Variants in MAL observed in about 807,000 individuals in gnomAD.
MAL encodes mal, T cell differentiation protein (MAL blood group).
Under a neutral mutation model 16.7 loss-of-function variants are expected in MAL, and 5 were observed. The ratio of observed to expected loss-of-function variants is 0.30; its 90% CI spans 0.16 to 0.63. The LOEUF (loss-of-function observed/expected upper bound fraction) is 0.63, where lower values mean the gene tolerates loss of function less well. MAL is among the 30% of genes least tolerant of loss of function. MAL has a pLI of 0.82. For missense variants in MAL, 202 were observed against 195.8 expected, an observed-to-expected ratio of 1.03 and a Z score of -0.19; for synonymous variants, 96 against 85.5, an observed-to-expected ratio of 1.12 and a Z score of -0.67.
intron 1 of MAL, among the ~76,000 whole-genome samples, chr2:95,030,143 T>C (rs1184900454): frequency 1.3e-5 from 2 of 152,112 alleles, no homozygotes; most frequent in Admixed American, 1.3e-4. Flanking sequence ...TAGCAACCTC[T>C]CCTTGGCCCA....
intron 1 of MAL, among the ~76,000 whole-genome samples, chr2:95,029,997 T>C (rs1674036439): frequency 6.6e-6 from 1 of 152,222 alleles, no homozygotes; most frequent in African/African-American, 2.4e-5. Context: ...TGATGACTCA[T>C]AGTTCAGATT....
In MAL at chr2:95,025,820, A is replaced by G. The variant is rs1673919746; in HGVS notation, c.28A>G (p.Ser10Gly). The change falls in exon 1 of 4, where the codon AGC becomes GGC. Residue 10 changes from serine (S) to glycine (G), a missense_variant. Ser to Gly is a moderately conservative substitution (Grantham distance 56). Coordinates refer to ENST00000309988, the MANE Select transcript of MAL (RefSeq NM_002371.4). This position sits in a 1 kb window ranked among gnomAD's most constrained non-coding sequence, Gnocchi z 5.6. Reference sequence around the variant, plus strand: ...GGCCCCCGCAGCGGCGACGGGGGGCAGCACCCTGCCCAGTGGCTTCTCGGT... The same window carrying G: ...GGCCCCCGCAGCGGCGACGGGGGGCGGCACCCTGCCCAGTGGCTTCTCGGT... MAPAAATGGSTLPSGFSVFT... is the reference protein window; with the variant it reads MAPAAATGGGTLPSGFSVFT... 1.3e-6 allele frequency: 2 copies of G among 1,571,566 alleles called. No homozygotes were observed. Among genetic ancestry groups the G allele is most frequent in the Non-Finnish European group, 8.6e-7 (1 of 1,159,546 alleles).
intron 1 of MAL, among the ~76,000 whole-genome samples, chr2:95,039,554 AAGTG>A (rs1166527048): frequency 9.4e-6 from 1 of 106,508 alleles, no homozygotes; most frequent in African/African-American, 3.7e-5. Context: ...GTGACTTGGT[AAGTG>A]AGTGACTGAG....
At chr2:95,042,201 G>C (rs79023722) in intron 1 of MAL, among the ~76,000 whole-genome samples, 1 of 152,218 alleles carries the variant, frequency 6.6e-6, no homozygotes, top group African/African-American at 2.4e-5. Flanking sequence ...AGGACCTGGA[G>C]GGGGGCAGTC....
At chr2:95,036,963 G>A (rs2104338753) in intron 1 of MAL, among the ~76,000 whole-genome samples, 1 of 151,976 alleles carries the variant, frequency 6.6e-6, no homozygotes, top group Admixed American at 6.5e-5. Flanking sequence ...CTGAGTGACT[G>A]AGTGACCGAG....
At chr2:95,029,698 C>T (rs1429025742) in intron 1 of MAL, among the ~76,000 whole-genome samples, 1 of 152,158 alleles carries the variant, frequency 6.6e-6, no homozygotes, top group Non-Finnish European at 1.5e-5. Context: ...CCAATTTACA[C>T]ACCCCAGGAG....
chr2:95,048,234 TG>T, intron 2 of MAL, 108 bp downstream of exon 2: 2 of 1,161,456 alleles, frequency 1.7e-6, no homozygotes, highest in Non-Finnish European at 1.2e-6. Flanking sequence ...TCTCCGTAGA[TG>T]TCACCCCACC....
At chr2:95,039,807 T>G (rs1674399749) in intron 1 of MAL, among the ~76,000 whole-genome samples, 1 of 152,038 alleles carries the variant, frequency 6.6e-6, no homozygotes, top group Non-Finnish European at 1.5e-5. Context: ...TGGGACTGAG[T>G]TCCTTCGTAC....
intron 1 of MAL, among the ~76,000 whole-genome samples, chr2:95,041,877 T>G (rs912460401): frequency 5.9e-5 from 9 of 152,208 alleles, no homozygotes; most frequent in African/African-American, 2.2e-4. Context: ...GGAAACTTTT[T>G]GTCCAGTTTT....
At position 95,025,824 on chromosome 2, in the gene MAL, C is replaced by A; in HGVS notation, c.32C>A (p.Thr11Asn). 1.3e-6 allele frequency: 2 copies of A among 1,575,766 alleles called. No individual in the cohort carries two copies. The highest frequency in any genetic ancestry group is 2.4e-5 in the South Asian group (2 of 84,900). ...CCCGCAGCGGCGACGGGGGGCAGCA[C>A]CCTGCCCAGTGGCTTCTCGGTCTTC... is the stretch of plus-strand genomic sequence containing the variant. MAPAAATGGS[T>N]LPSGFSVFTT... is the part of the protein sequence containing the mutation. Residue 11 changes from threonine to asparagine, a missense_variant, in exon 1 of 4, where the codon ACC becomes AAC. Coordinates refer to ENST00000309988, the MANE Select transcript of MAL (RefSeq NM_002371.4). The surrounding 1 kb of genome is among the most constrained non-coding windows in gnomAD (Gnocchi z 5.6).
intron 3 of MAL, chr2:95,052,905 T>C (rs973265785): frequency 6.4e-6 from 1 of 155,638 alleles, no homozygotes; most frequent in Admixed American, 6.5e-5. Context: ...AGGGTGAGAA[T>C]GTCCAGGCAG....
chr2:95,047,758 C>T (rs1443066704), intron 1 of MAL, among the ~76,000 whole-genome samples: 8 of 152,136 alleles, frequency 5.3e-5, no homozygotes, highest in Non-Finnish European at 7.4e-5. Flanking sequence ...GCAAGCGTGC[C>T]GGGGATTGGG....
intron 2 of MAL, among the ~76,000 whole-genome samples, chr2:95,048,413 G>A (rs116376223): frequency 6.6e-5 from 10 of 152,148 alleles, no homozygotes; most frequent in African/African-American, 1.2e-4. Flanking sequence ...ACCTGTACCC[G>A]CCAGGTGCCT....
intron 1 of MAL, among the ~76,000 whole-genome samples, chr2:95,031,369 C>A (rs1408332398): frequency 1.3e-5 from 2 of 152,196 alleles, no homozygotes; most frequent in Non-Finnish European, 2.9e-5. Flanking sequence ...GAAGCTCACA[C>A]CTCCTCTGGG....
In MAL at chr2:95,029,680, G is replaced by T. The variant is rs1388044817; in HGVS notation, c.93+3795G>T. Among the ~76,000 whole-genome samples, 4 of 152,146 alleles carry T rather than the reference G, an allele frequency of 2.6e-5. No individual in the cohort carries two copies. In the South Asian group the frequency reaches 6.2e-4, roughly 24 times the overall value. On this transcript the variant is annotated intron_variant, in intron 1 of 3. Transcript: ENST00000309988. Reference sequence around the variant, plus strand: ...GGTGTTATCACATTGCCGTCCAAAAGAGTAATTCCAATTTACACACCCCAG... The same window carrying T: ...GGTGTTATCACATTGCCGTCCAAAATAGTAATTCCAATTTACACACCCCAG...
In MAL at chr2:95,027,109, C is replaced by T. The variant is rs143014059; in HGVS notation, c.93+1224C>T. Among the ~76,000 whole-genome samples the T allele has an allele frequency of 4.8e-3, 729 of 152,238 alleles. 1 individual carries two copies. The highest frequency in any genetic ancestry group is 6.7e-3 in the Non-Finnish European group (453 of 68,024). ...TCAAAGCAGTTACATTTAGAAGAAA[C>T]CCTGGACGCCAATGAACGCAGCCCC... is the stretch of plus-strand genomic sequence containing the variant. On this transcript the variant is annotated intron_variant, in intron 1 of 3. Coordinates refer to ENST00000309988, the MANE Select transcript of MAL (RefSeq NM_002371.4).
chr2:95,039,894 C>A (rs1674402555), intron 1 of MAL, among the ~76,000 whole-genome samples: 2 of 152,112 alleles, frequency 1.3e-5, no homozygotes, highest in Admixed American at 1.3e-4. Context: ...GGAACAGAGT[C>A]CCCTATCCTC....
chr2:95,053,331 C>T, intron 3 of MAL, 50 bp from the exon 4 acceptor site: 1 of 1,274,556 alleles, frequency 7.8e-7, no homozygotes, highest in Non-Finnish European at 1.1e-6. Flanking sequence ...AGACGCTGTG[C>T]CTCGCCCTCC....
chr2:95,035,043 T>C (rs1335884971), intron 1 of MAL, among the ~76,000 whole-genome samples: 1 of 152,178 alleles, frequency 6.6e-6, no homozygotes, highest in Non-Finnish European at 1.5e-5. Context: ...AATCATAAGA[T>C]GAGTCCTTGA....
Sources: gnomAD v4.1 joint callset for allele counts (sites outside exome capture counted in the v4.1 genomes callset) on GRCh38, gnomAD v4.1.1 for gene constraint, Gnocchi (gnomAD v3.1) non-coding constraint, MANE v1.5 for transcripts, NCBI Gene and HGNC (gene_info 2026-07-23, HGNC 2026-07-21) for gene names.